PRKCZ: variants seen among roughly 807,000 people sequenced by gnomAD.
PRKCZ encodes the protein protein kinase C zeta.
PRKCZ carries 33 observed loss-of-function variants against 79.5 expected under a neutral mutation model. The observed-to-expected ratio is 0.41, with a 90% confidence interval of 0.31 to 0.55. The LOEUF (loss-of-function observed/expected upper bound fraction) is 0.55, where lower values mean the gene tolerates loss of function less well. Among genes scored for constraint, PRKCZ ranks in the 20% least tolerant of loss-of-function variants. The probability of loss-of-function intolerance (pLI) is 0.19; values close to 1 mark genes in which losing one functional copy is unlikely to be tolerated. For synonymous variants in PRKCZ, 342 were observed against 320.9 expected (o/e 1.07, Z -0.70); for missense variants, 578 against 813.5 (o/e 0.71, Z 3.52).
intron 10 of PRKCZ, among the ~76,000 whole-genome samples, chr1:2,161,706 G>A (rs992898787): frequency 3.3e-5 from 5 of 152,180 alleles, no homozygotes; most frequent in Admixed American, 3.3e-4. Context: ...CTGCAGGCTT[G>A]GAGATGATTT....
chr1:2,077,575 A>C (rs1423486319), intron 4 of PRKCZ, among the ~76,000 whole-genome samples: 2 of 152,238 alleles, frequency 1.3e-5, no homozygotes, highest in Non-Finnish European at 2.9e-5. Context: ...TGCATTGTAC[A>C]TTATATTTAA....
chr1:2,058,662 G>A (rs569981666), intron 3 of PRKCZ, among the ~76,000 whole-genome samples: 4 of 152,176 alleles, frequency 2.6e-5, no homozygotes, highest in African/African-American at 9.6e-5. Flanking sequence ...TTGGGAGGCC[G>A]AGGCAGGTGG....
At chr1:2,074,299 T>C in intron 4 of PRKCZ, 13 of 1,548,750 alleles carry the variant, frequency 8.4e-6, no homozygotes, top group Non-Finnish European at 1.1e-5. Flanking sequence ...GCCTGGTGGA[T>C]GTGTGGCGGT....
chr1:2,078,172 C>T (rs1662790023), intron 4 of PRKCZ, among the ~76,000 whole-genome samples: 2 of 152,266 alleles, frequency 1.3e-5, no homozygotes, highest in African/African-American at 4.8e-5. Flanking sequence ...CCCCTCCTCT[C>T]TCCTCTGCCT....
rs1311793457 is a variant in PRKCZ, at chr1:2,172,871, C to T, written c.1285+483C>T. On this transcript the variant is annotated intron_variant, in intron 13 of 17. Coordinates refer to ENST00000378567, the MANE Select transcript of PRKCZ (RefSeq NM_002744.6). This position sits in a 1 kb window ranked among gnomAD's most constrained non-coding sequence, Gnocchi z 7.8. ...GGGGACATGGGCACGCGTGTGCAGC[C>T]GTGTGTGCGTGTGTGAAACGGGGAC... Among the ~76,000 whole-genome samples the T allele has an allele frequency of 6.6e-6, 1 of 152,284 alleles. No individual in the cohort carries two copies. The highest frequency in any genetic ancestry group is 1.5e-5 in the Non-Finnish European group (1 of 68,022).
chr1:2,053,258 G>A (rs990266143), intron 1 of PRKCZ, among the ~76,000 whole-genome samples: 2 of 152,020 alleles, frequency 1.3e-5, no homozygotes, highest in East Asian at 1.9e-4. Context: ...CCGCCACCAC[G>A]CCCGGTTAAC....
intron 6 of PRKCZ, among the ~76,000 whole-genome samples, chr1:2,145,740 C>T (rs1479407739): frequency 6.6e-6 from 1 of 151,888 alleles, no homozygotes; most frequent in Non-Finnish European, 1.5e-5. Context: ...ATGGTGAGAC[C>T]CCATCTCTAC....
intron 4 of PRKCZ, among the ~76,000 whole-genome samples, chr1:2,062,346 T>C (rs770811347): frequency 2.6e-5 from 4 of 152,160 alleles, no homozygotes; most frequent in African/African-American, 7.2e-5. Context: ...GAATCCTGCA[T>C]GTTTGTCCTT....
At position 2,168,768 on chromosome 1, in the gene PRKCZ, T is replaced by G. The variant is rs955919865; in HGVS notation, c.975-750T>G. The G allele has an allele frequency of 1.1e-5, 2 of 187,582 alleles. No individual in the cohort carries two copies. The highest frequency in any genetic ancestry group is 1.1e-4 in the Admixed American group (2 of 18,198). The allele number at this position is 187,582 out of a possible 1,614,324, so 11.6% of individuals were successfully genotyped here. ...GGAGCAGCCACCAGTCGGAAGCAAA[T>G]AAACAATTCAGGTGCCAGAGGAGCC... On this transcript the variant is annotated intron_variant, in intron 10 of 17. Coordinates refer to ENST00000378567, the MANE Select transcript of PRKCZ (RefSeq NM_002744.6). The surrounding 1 kb of genome is among the most constrained non-coding windows in gnomAD (Gnocchi z 4.7).
intron 4 of PRKCZ, among the ~76,000 whole-genome samples, chr1:2,119,833 C>T (rs1340157009): frequency 6.8e-6 from 1 of 146,104 alleles, no homozygotes; most frequent in African/African-American, 2.6e-5. Context: ...GTTGCCCAGG[C>T]TGGAGTGCAG....
intron 4 of PRKCZ, chr1:2,074,404 C>T: frequency 7.6e-6 from 10 of 1,318,676 alleles, no homozygotes; most frequent in Non-Finnish European, 1.0e-5. Flanking sequence ...TTGGGAGTTT[C>T]ACTGTGGCCG....
Position 2,089,428 on chromosome 1 carries a change from C to T in PRKCZ, c.334+29837C>T, listed in dbSNP as rs571010941. Among the ~76,000 whole-genome samples, 4 of 152,270 alleles carry T rather than the reference C, an allele frequency of 2.6e-5. No individual in the cohort carries two copies. In the South Asian group the frequency reaches 8.3e-4, roughly 32 times the overall value. On this transcript the variant is annotated intron_variant, in intron 4 of 17. Coordinates refer to ENST00000378567, the MANE Select transcript of PRKCZ (RefSeq NM_002744.6). Reference sequence around the variant, plus strand: ...TTGCTTCAGCCTCTGTGAGGAGGCACCACGAGGGGTGGCCTGTAAACAAGG... The same window carrying T: ...TTGCTTCAGCCTCTGTGAGGAGGCATCACGAGGGGTGGCCTGTAAACAAGG...
upstream of PRKCZ, among the ~76,000 whole-genome samples, chr1:2,048,524 C>T (rs1025272735): frequency 1.3e-4 from 19 of 151,380 alleles, no homozygotes; most frequent in Admixed American, 1.2e-3. Flanking sequence ...AGACGGAGGC[C>T]GGGGCAGCAA....
intron 4 of PRKCZ, chr1:2,133,562 C>T (rs1383108874): frequency 6.7e-6 from 1 of 148,410 alleles, no homozygotes; most frequent in Admixed American, 6.7e-5. Context: ...CCCTTGGCTC[C>T]GCCCCGCACT....
chr1:2,121,758 A>G (rs372481993), intron 4 of PRKCZ, among the ~76,000 whole-genome samples: 16 of 33,288 alleles, frequency 4.8e-4, no homozygotes, highest in East Asian at 5.0e-3. Flanking sequence ...GGTTAGGGTC[A>G]CGGCGGTGGT....
intron 4 of PRKCZ, among the ~76,000 whole-genome samples, chr1:2,119,829 C>T (rs1333194163): frequency 1.3e-5 from 2 of 150,376 alleles, no homozygotes; most frequent in African/African-American, 2.5e-5. Context: ...TCTTGTTGCC[C>T]AGGCTGGAGT....
intron 11 of PRKCZ, among the ~76,000 whole-genome samples, chr1:2,170,710 C>T (rs756525592): frequency 2.6e-5 from 4 of 152,328 alleles, no homozygotes; most frequent in Non-Finnish European, 4.4e-5. Flanking sequence ...CCCTCTGATT[C>T]GAGGACTCTA....
intron 16 of PRKCZ, 139 bp from the exon 17 acceptor site, chr1:2,184,444 C>T (rs1687232368): frequency 3.2e-6 from 2 of 619,854 alleles, no homozygotes; most frequent in Admixed American, 3.2e-5. Flanking sequence ...AGAAAAAACA[C>T]TTGGCAGTCA....
chr1:2,140,767 G>C (rs777132939), intron 5 of PRKCZ, among the ~76,000 whole-genome samples: 1 of 152,192 alleles, frequency 6.6e-6, no homozygotes, highest in East Asian at 1.9e-4. Flanking sequence ...TCAGGGGTTC[G>C]AGACGAGCCT....
Sources: gnomAD v4.1 joint callset for allele counts (sites outside exome capture counted in the v4.1 genomes callset) on GRCh38, gnomAD v4.1.1 for gene constraint, Gnocchi (gnomAD v3.1) non-coding constraint, MANE v1.5 for transcripts, NCBI Gene and HGNC (gene_info 2026-07-23, HGNC 2026-07-21) for gene names.